Variants in RRBP1 observed in about 807,000 individuals in gnomAD.
RRBP1 encodes ribosome binding protein 1, also known as ribosome-binding protein 1.
RRBP1 carries 94 observed loss-of-function variants against 165.2 expected under a neutral mutation model. That is an observed-to-expected ratio of 0.57 (90% CI 0.48 to 0.68). The LOEUF (loss-of-function observed/expected upper bound fraction) is 0.68, where lower values mean the gene tolerates loss of function less well. Ranked by LOEUF, RRBP1 falls within the 30% of genes least tolerant of loss-of-function variation. The pLI, the probability that RRBP1 is intolerant of heterozygous loss-of-function variation, is 0.00. For missense variants in RRBP1, 1,676 were observed against 1,763.0 expected, an observed-to-expected ratio of 0.95 and a Z score of 0.88; for synonymous variants, 680 against 714.5, an observed-to-expected ratio of 0.95 and a Z score of 0.77.
At chr20:17,663,798 C>G (rs1179638796) in intron 2 of RRBP1, among the ~76,000 whole-genome samples, 1 of 152,212 alleles carries the variant, frequency 6.6e-6, no homozygotes, top group Non-Finnish European at 1.5e-5. Flanking sequence ...AGGCCCCCAA[C>G]AGAAACCTCT....
At position 17,614,815 on chromosome 20, in the gene RRBP1, C is replaced by G; in HGVS notation, c.4116G>C (p.Glu1372Asp). ...DLGRAATRLQELLKTTQEQLA... is the reference protein window; with the variant it reads ...DLGRAATRLQDLLKTTQEQLA... ...GCTGCTCCTGGGTCGTCTTCAGAAG[C>G]TCCTGCAGTCTCGTGGCGGCGCGCC... The change falls in exon 24 of 25, where the codon GAG becomes GAC. Residue 1372 changes from glutamate to aspartate, a missense_variant. Physicochemically the swap from Glu to Asp is conservative, Grantham distance 45. Coordinates refer to ENST00000377813, the MANE Select transcript of RRBP1 (RefSeq NM_001365613.2). 1 of 1,613,908 alleles carries G rather than the reference C, an allele frequency of 6.2e-7. No individual in the cohort carries two copies. Among genetic ancestry groups the G allele is most frequent in the Middle Eastern group, 1.6e-4 (1 of 6,062 alleles).
chr20:17,642,131 C>T (rs2036375183), intron 4 of RRBP1, among the ~76,000 whole-genome samples: 1 of 152,256 alleles, frequency 6.6e-6, no homozygotes, highest in Admixed American at 6.5e-5. Flanking sequence ...TGTGTTGGGA[C>T]TGTCAAGGCC....
intron 8 of RRBP1, among the ~76,000 whole-genome samples, chr20:17,631,396 G>A (rs2036148664): frequency 6.6e-6 from 1 of 152,214 alleles, no homozygotes; most frequent in Admixed American, 6.5e-5. Flanking sequence ...TACTAACATT[G>A]ATTAGAACTC....
chr20:17,624,321 T>C (rs1600730146), intron 13 of RRBP1, among the ~76,000 whole-genome samples: 2 of 152,216 alleles, frequency 1.3e-5, no homozygotes, highest in East Asian at 3.9e-4. Flanking sequence ...TGCGTCTGTG[T>C]GTCCTAGTGC....
rs370605416 is a variant in RRBP1 at position 17,633,520 on chromosome 20, C to T, written c.2550G>A (p.Gln850=). ...CCTTGGCTTCCAGAGCTTTCCGCTG[C>T]TGCTCATCTTGCCGCACAGCCTCTG... ...EKSEAVRQDE[Q]QRKALEAKAA... Residue 850 remains glutamine, a synonymous_variant, in exon 8 of 25, where the codon CAG becomes CAA. Coordinates refer to ENST00000377813, the MANE Select transcript of RRBP1 (RefSeq NM_001365613.2). 2 of 1,613,962 alleles carry T rather than the reference C, an allele frequency of 1.2e-6. No individual in the cohort carries two copies. The highest frequency in any genetic ancestry group is 1.3e-5 in the African/African-American group (1 of 74,950).
At chr20:17,629,731 C>T in intron 9 of RRBP1, 92 bp downstream of exon 9, 1 of 1,366,356 alleles carries the variant, frequency 7.3e-7, no homozygotes, top group Non-Finnish European at 1.0e-6. Context: ...CAGGCCTAAC[C>T]CACTGAGTTC....
At chr20:17,662,451 C>T (rs58184687) in intron 2 of RRBP1, among the ~76,000 whole-genome samples, 35 of 152,286 alleles carry the variant, frequency 2.3e-4, no homozygotes, top group African/African-American at 7.9e-4. Context: ...CACTGTCACT[C>T]GGCGTTGAGC....
intron 2 of RRBP1, among the ~76,000 whole-genome samples, chr20:17,670,658 T>C (rs2036960457): frequency 6.6e-6 from 1 of 152,248 alleles, no homozygotes; most frequent in East Asian, 1.9e-4. Flanking sequence ...TTGCTTGTTA[T>C]GTCTTTTTCC....
rs148290979 is a variant in RRBP1 at position 17,630,691 on chromosome 20, G to A, written c.2611-730C>T. On this transcript the variant is annotated intron_variant, in intron 8 of 24. Coordinates refer to ENST00000377813, the MANE Select transcript of RRBP1 (RefSeq NM_001365613.2). ...TAAAGGATTCCCACACACTGGGGCA[G>A]AAGTGCTGGCCAAGGCCTCCATTTA... Among the ~76,000 whole-genome samples, 328 of 152,298 alleles carry A rather than the reference G, an allele frequency of 2.2e-3. 3 individuals are homozygous for A. Among genetic ancestry groups the A allele is most frequent in the African/African-American group, 7.4e-3 (308 of 41,556 alleles).
chr20:17,621,952 G>C lies in RRBP1; in HGVS notation c.3148-5C>G, dbSNP rs751663140. 9.9e-6 allele frequency: 16 copies of C among 1,609,124 alleles called. No homozygotes were observed. Among genetic ancestry groups the C allele is most frequent in the Admixed American group, 6.7e-5 (4 of 60,002 alleles). On this transcript the variant is annotated splice_region_variant and splice_polypyrimidine_tract_variant and intron_variant, in intron 13 of 24. Transcript: ENST00000377813. ...GAGCTGCTTCTCCGATTCCTCCTGG[G>C]GGGTGGGTGGGGAAGAGCGGAAGGT... is the stretch of plus-strand genomic sequence containing the variant.
Position 17,620,898 on chromosome 20 carries a change from C to G in RRBP1, c.3415-91G>C, listed in dbSNP as rs533488902. 6.5e-5 allele frequency: 60 copies of G among 927,672 alleles called. 1 individual carries two copies. The East Asian group carries it at 1.5e-3, about 23-fold the overall frequency. The allele number at this position is 927,672 out of a possible 1,614,324, so 57.5% of individuals were successfully genotyped here. A position where few individuals can be genotyped will look rare whatever the true frequency, so the allele number is the denominator to read the frequency against. Reference sequence around the variant, plus strand: ...TTCCTGTCCCTGCAGCCCTGGTGACCTGCCGTGCTCCGCCTGCTGACTTCA... The same window carrying G: ...TTCCTGTCCCTGCAGCCCTGGTGACGTGCCGTGCTCCGCCTGCTGACTTCA... On this transcript the variant is annotated intron_variant, in intron 16 of 24. Coordinates refer to ENST00000377813, the MANE Select transcript of RRBP1 (RefSeq NM_001365613.2).
chr20:17,674,187 C>A (rs923646060), intron 2 of RRBP1, among the ~76,000 whole-genome samples: 1 of 152,170 alleles, frequency 6.6e-6, no homozygotes, highest in Non-Finnish European at 1.5e-5. Flanking sequence ...GTCAGACATT[C>A]CCGTTAGAAA....
At chr20:17,677,800 T>C (rs1470540968) in intron 2 of RRBP1, among the ~76,000 whole-genome samples, 1 of 151,854 alleles carries the variant, frequency 6.6e-6, no homozygotes, top group Non-Finnish European at 1.5e-5. Context: ...GATCACGCCA[T>C]TGGACTCCAG....
chr20:17,617,430 G>T (rs1053250770), intron 20 of RRBP1, among the ~76,000 whole-genome samples: 1 of 152,198 alleles, frequency 6.6e-6, no homozygotes, highest in Non-Finnish European at 1.5e-5. Flanking sequence ...GCTCCCCAGG[G>T]AACATGGGCG....
intron 7 of RRBP1, among the ~76,000 whole-genome samples, chr20:17,634,214 A>G (rs1479000534): frequency 6.6e-6 from 1 of 152,154 alleles, no homozygotes; most frequent in African/African-American, 2.4e-5. Context: ...TCAGGATGCC[A>G]CTCCCTCACT....
rs201211533 is a variant in RRBP1 at position 17,616,758 on chromosome 20, G to A, written c.3841C>T (p.Pro1281Ser). 3.8e-5 allele frequency: 61 copies of A among 1,611,762 alleles called. No individual in the cohort carries two copies. The South Asian group carries it at 5.6e-4, about 15-fold the overall frequency. Residue 1281 changes from proline to serine, a missense_variant, in exon 21 of 25, where the codon CCC (proline) becomes TCC (serine). Transcript: ENST00000377813. ...AGAPASSPEAPPAEQDPVQLK... is the reference protein window; with the variant it reads ...AGAPASSPEASPAEQDPVQLK... The stretch of plus-strand genomic sequence containing the variant: ...TGAACGGGGTCCTGCTCGGCTGGGG[G>A]CGCCTCTGGGGAGGAAGCTGGGGCC...
intron 3 of RRBP1, among the ~76,000 whole-genome samples, chr20:17,657,583 AAAG>A: frequency 6.6e-6 from 1 of 152,354 alleles, no homozygotes; most frequent in Non-Finnish European, 1.5e-5. Flanking sequence ...AAAGAAAAGA[AAAG>A]AAAGGAAAAA....
In RRBP1 at chr20:17,624,598, A is replaced by G; in HGVS notation, c.3125T>C (p.Leu1042Pro). 6.3e-7 allele frequency: 1 copy of G among 1,593,292 alleles called. No homozygotes were observed. Among genetic ancestry groups the G allele is most frequent in the East Asian group, 2.3e-5 (1 of 44,218 alleles). The change falls in exon 13 of 25, where the codon CTG becomes CCG. Residue 1042 changes from leucine to proline, a missense_variant. Physicochemically the swap from Leu to Pro is moderately conservative, Grantham distance 98. This residue lies in a region of RRBP1 where 1,184 missense variants were observed against 1,167.1 expected (regional missense o/e 1.01). Coordinates refer to ENST00000377813, the MANE Select transcript of RRBP1 (RefSeq NM_001365613.2). ...GACCTTGGCCTGGGTCAGGGAGAGC[A>G]GCTTCTCCTTGCAGGCCTGCTCGGC... ...ATAEQACKEK[L>P]LSLTQAKEES...
In RRBP1 at chr20:17,659,714, G is replaced by C. The variant is rs751296225; in HGVS notation, c.794C>G (p.Ala265Gly). Residue 265 changes from alanine to glycine, a missense_variant, in exon 3 of 25, where the codon GCC becomes GGC. Physicochemically the swap from Ala to Gly is moderately conservative, Grantham distance 60. This residue lies in a region of RRBP1 where 392 missense variants were observed against 382.5 expected (regional missense o/e 1.02). Transcript: ENST00000377813. ...ATCTACCTTTTTACCCTGGTTCTGG[G>C]CCCCCTCCGCCTTTTTGCCTTGGTT... ...TPNQGKKAEG[A>G]QNQGKKVDTT... 99 of 1,550,492 alleles carry C rather than the reference G, an allele frequency of 6.4e-5. No individual in the cohort carries two copies. Among genetic ancestry groups the C allele is most frequent in the Non-Finnish European group, 8.2e-5 (94 of 1,147,004 alleles).
Sources: gnomAD v4.1 joint callset for allele counts (sites outside exome capture counted in the v4.1 genomes callset) on GRCh38, gnomAD v4.1.1 for gene constraint, gnomAD v4.1.1 regional missense constraint, MANE v1.5 for transcripts, NCBI Gene and HGNC (gene_info 2026-07-23, HGNC 2026-07-21) for gene names.